Variants in SOBP observed in about 807,000 individuals in gnomAD.
The protein encoded by SOBP is sine oculis-binding protein homolog.
In SOBP, 4 loss-of-function variants were observed where a neutral mutation model predicts 53.6. That is an observed-to-expected ratio of 0.07 (90% confidence interval 0.04 to 0.17). The LOEUF (loss-of-function observed/expected upper bound fraction) is 0.17, where lower values mean the gene tolerates loss of function less well. SOBP is among the 10% of genes least tolerant of loss of function. The pLI is 1.00. For missense variants in SOBP, 1,088 were observed against 1,204.7 expected (o/e 0.90, Z 1.43); for synonymous variants, 584 against 522.6 (o/e 1.12, Z -1.60).
At chr6:107,548,633 T>C (rs183730457) in intron 4 of SOBP, among the ~76,000 whole-genome samples, 1 of 152,282 alleles carries the variant, frequency 6.6e-6, no homozygotes, top group African/African-American at 2.4e-5. Context: ...ACAATCAAAG[T>C]TGACTTAAAT....
intron 4 of SOBP, among the ~76,000 whole-genome samples, chr6:107,580,159 G>C (rs1313814723): frequency 6.6e-6 from 1 of 152,236 alleles, no homozygotes; most frequent in Non-Finnish European, 1.5e-5. Context: ...TGGGTCCAGA[G>C]ATGGATGTTT....
intron 3 of SOBP, chr6:107,511,532 T>G (rs1783169408): frequency 6.6e-6 from 1 of 152,202 alleles, no homozygotes; most frequent in Non-Finnish European, 1.5e-5. Flanking sequence ...CAAGCATGTG[T>G]TTCATGTGCT....
At chr6:107,543,992 G>A (rs1046939994) in intron 4 of SOBP, among the ~76,000 whole-genome samples, 14 of 152,318 alleles carry the variant, frequency 9.2e-5, no homozygotes, top group Middle Eastern at 3.4e-3. Context: ...AATAGGAACA[G>A]TGGTGCCATT....
intron 4 of SOBP, among the ~76,000 whole-genome samples, chr6:107,540,394 A>T (rs1472068643): frequency 6.6e-6 from 1 of 152,252 alleles, no homozygotes; most frequent in Admixed American, 6.5e-5. Flanking sequence ...AATGGAATAA[A>T]GAAAATCTTG....
chr6:107,512,236 C>A (rs1051662880), intron 3 of SOBP, among the ~76,000 whole-genome samples: 3 of 152,176 alleles, frequency 2.0e-5, no homozygotes, highest in African/African-American at 7.2e-5. Context: ...AATATGTCAG[C>A]AAGAATTTTG....
Position 107,501,952 on chromosome 6 carries a change from C to T in SOBP, c.97-1705C>T, listed in dbSNP as rs755944038. On this transcript the variant is annotated intron_variant, in intron 1 of 6. Coordinates refer to ENST00000317357, the MANE Select transcript of SOBP (RefSeq NM_018013.4). ...TTGATGTGACTGACTGTTGGCCTTGCGGATGGTAACACTGAATCAATCTGG... is the reference window on the plus strand; with the variant it reads ...TTGATGTGACTGACTGTTGGCCTTGTGGATGGTAACACTGAATCAATCTGG... Among the ~76,000 whole-genome samples, 5 of 152,142 alleles carry T rather than the reference C, an allele frequency of 3.3e-5. No homozygotes were observed. The South Asian group carries it at 8.3e-4, about 25-fold the overall frequency.
chr6:107,650,727 T>C (rs187657849), intron 6 of SOBP, among the ~76,000 whole-genome samples: 1 of 152,308 alleles, frequency 6.6e-6, no homozygotes, highest in East Asian at 1.9e-4. Flanking sequence ...TTTCCTGAGA[T>C]ACAAGATTGA....
chr6:107,558,661 G>T (rs1032125312), intron 4 of SOBP, among the ~76,000 whole-genome samples: 6 of 151,202 alleles, frequency 4.0e-5, no homozygotes, highest in Non-Finnish European at 7.4e-5. Flanking sequence ...GAGGGTACAG[G>T]TAAATTAATA....
At chr6:107,507,895 G>A (rs767169898) in intron 3 of SOBP, among the ~76,000 whole-genome samples, 1 of 151,912 alleles carries the variant, frequency 6.6e-6, no homozygotes, top group African/African-American at 2.4e-5. Flanking sequence ...GATCTAGATG[G>A]CAACGGGCTG....
intron 1 of SOBP, among the ~76,000 whole-genome samples, chr6:107,495,421 C>T (rs945774613): frequency 2.6e-5 from 4 of 152,166 alleles, no homozygotes; most frequent in East Asian, 1.9e-4. Flanking sequence ...GTGTGATGTA[C>T]GGTAGAGCGT....
intron 4 of SOBP, among the ~76,000 whole-genome samples, chr6:107,538,731 G>A (rs987241617): frequency 3.3e-5 from 5 of 152,148 alleles, no homozygotes; most frequent in South Asian, 2.1e-4. Context: ...CATAGCAAAC[G>A]GGTGTTCTCA....
At chr6:107,492,927 T>A (rs531054658) in intron 1 of SOBP, among the ~76,000 whole-genome samples, 1 of 152,050 alleles carries the variant, frequency 6.6e-6, no homozygotes, top group Non-Finnish European at 1.5e-5. Flanking sequence ...TGCCTGAGAG[T>A]CTAGTGGAAT....
At chr6:107,532,241 TCACACACACACACA>T (rs10525191) in intron 3 of SOBP, among the ~76,000 whole-genome samples, 4 of 139,648 alleles carry the variant, frequency 2.9e-5, no homozygotes, top group South Asian at 2.4e-4. Flanking sequence ...TCTCTCTCTC[TCACACACACACACA>T]CACACACACA....
chr6:107,604,727 C>G (rs989486791), intron 5 of SOBP, among the ~76,000 whole-genome samples: 2 of 152,162 alleles, frequency 1.3e-5, no homozygotes, highest in African/African-American at 4.8e-5. Flanking sequence ...CATAATAACA[C>G]CCTTCAAGTT....
At chr6:107,528,592 A>C (rs575168921) in intron 3 of SOBP, among the ~76,000 whole-genome samples, 10 of 152,378 alleles carry the variant, frequency 6.6e-5, no homozygotes, top group African/African-American at 2.4e-4. Context: ...TGGGCCTTTA[A>C]CTTGTTTTTT....
chr6:107,581,405 G>A (rs147509767), intron 4 of SOBP, among the ~76,000 whole-genome samples: 53 of 152,268 alleles, frequency 3.5e-4, no homozygotes, highest in African/African-American at 1.2e-3. Context: ...CCGAGGAGTT[G>A]GGCCACTGAG....
intron 5 of SOBP, among the ~76,000 whole-genome samples, chr6:107,619,338 T>C (rs893735235): frequency 4.6e-5 from 7 of 152,076 alleles, no homozygotes; most frequent in Non-Finnish European, 1.0e-4. Flanking sequence ...AATAAAAGAG[T>C]TCTGTTTTTG....
chr6:107,533,311 G>A (rs1783896037), intron 3 of SOBP, 148 bp from the exon 4 acceptor site: 9 of 436,020 alleles, frequency 2.1e-5, no homozygotes, highest in Admixed American at 7.5e-5. Flanking sequence ...GAGAGAAAGA[G>A]AGAGAGAGAG....
intron 1 of SOBP, 67 bp downstream of exon 1, chr6:107,490,779 G>C: frequency 7.9e-7 from 1 of 1,260,474 alleles, no homozygotes; most frequent in South Asian, 1.3e-5. Flanking sequence ...GTGGGCCGTG[G>C]TATGGATCTG....
Sources: gnomAD v4.1 joint callset for allele counts (sites outside exome capture counted in the v4.1 genomes callset) on GRCh38, gnomAD v4.1.1 for gene constraint, MANE v1.5 for transcripts, NCBI Gene and HGNC (gene_info 2026-07-23, HGNC 2026-07-21) for gene names.